The following ABCB4 variants were observed in gnomAD, a reference collection of about 807,000 sequenced individuals.
ABCB4 encodes the protein ATP binding cassette subfamily B member 4.
Under a neutral mutation model 145.7 loss-of-function variants are expected in ABCB4, and 76 were observed. The observed-to-expected ratio is 0.52, with a 90% CI of 0.43 to 0.63. The LOEUF (loss-of-function observed/expected upper bound fraction) is 0.63. Ranked by LOEUF, ABCB4 falls within the 30% of genes least tolerant of loss-of-function variation. ABCB4 has a pLI of 0.00. For missense variants in ABCB4, 1,234 were observed against 1,553.1 expected (o/e 0.79, Z 3.45); for synonymous variants, 517 against 566.8 (o/e 0.91, Z 1.25).
Position 87,418,623 on chromosome 7 carries a change from A to T in ABCB4, c.2395-3T>A. 6.2e-7 allele frequency: 1 copy of T among 1,613,628 alleles called. No homozygotes were observed. The highest frequency in any genetic ancestry group is 8.5e-7 in the Non-Finnish European group (1 of 1,179,568). ...TGGTCATCAAACCAGCTCATGTCCT[A>T]TGGCATAAAATACACGTTTATGTTA... On this transcript the variant is annotated splice_region_variant and splice_polypyrimidine_tract_variant and intron_variant, in intron 19 of 27. Coordinates refer to ENST00000649586, the MANE Select transcript of ABCB4 (RefSeq NM_000443.4).
chr7:87,452,377 CCTT>C (rs1811796472), intron 6 of ABCB4: 1 of 148,010 alleles, frequency 6.8e-6, no homozygotes, highest in Non-Finnish European at 1.4e-5. Flanking sequence ...CTTGCTTTTC[CCTT>C]TTTTTTTTTT....
chr7:87,448,864 G>T (rs899144545), intron 8 of ABCB4, among the ~76,000 whole-genome samples: 1 of 152,158 alleles, frequency 6.6e-6, no homozygotes, highest in African/African-American at 2.4e-5. Flanking sequence ...AATTTCCAGA[G>T]AATTTTTATA....
At chr7:87,384,549 T>C in the ABCB4 span, among the ~76,000 whole-genome samples, 1,899 of 152,252 alleles carry the variant, frequency 0.012, 38 homozygotes, top group African/African-American at 0.042. Context: ...CAAAAAAGAT[T>C]ATTTGTCCAT....
At chr7:87,387,676 G>A in the ABCB4 span, among the ~76,000 whole-genome samples, 1 of 152,308 alleles carries the variant, frequency 6.6e-6, no homozygotes, top group South Asian at 2.1e-4. Flanking sequence ...AGGAGGCTGG[G>A]CATGGTGGCT....
intron 5 of ABCB4, 105 bp from the exon 6 acceptor site, chr7:87,453,240 G>A: frequency 8.9e-7 from 1 of 1,119,832 alleles, no homozygotes; most frequent in Non-Finnish European, 1.3e-6. Context: ...CTGGAGTGCA[G>A]TGGCACCATC....
intron 14 of ABCB4, among the ~76,000 whole-genome samples, chr7:87,433,656 G>C (rs926174534): frequency 3.5e-5 from 5 of 141,478 alleles, no homozygotes; most frequent in Non-Finnish European, 6.1e-5. Context: ...GTAGAGCTTT[G>C]ACACAAAAAA....
the ABCB4 span, among the ~76,000 whole-genome samples, chr7:87,395,827 CG>C: frequency 6.6e-6 from 1 of 151,952 alleles, no homozygotes; most frequent in Non-Finnish European, 1.5e-5. Flanking sequence ...GGCTCTAGAT[CG>C]GGGGTTATAA....
At chr7:87,468,400 C>G (rs1179281349) in intron 3 of ABCB4, among the ~76,000 whole-genome samples, 1 of 149,468 alleles carries the variant, frequency 6.7e-6, no homozygotes, top group Non-Finnish European at 1.5e-5. Flanking sequence ...TAATAGCTTA[C>G]CAACCAAAAA....
intron 14 of ABCB4, among the ~76,000 whole-genome samples, chr7:87,438,022 A>C (rs757178151): frequency 6.6e-5 from 10 of 152,236 alleles, no homozygotes; most frequent in Non-Finnish European, 1.3e-4. Flanking sequence ...TCATATTATG[A>C]AAAACAATAC....
chr7:87,431,585 G>C lies in ABCB4; in HGVS notation c.1732-20C>G, dbSNP rs1810234712. Reference sequence around the variant, plus strand: ...TCTGGCCTAAAAGAACAAAAATGTGGTGCATCAGGGTTACAGTATTGGCAC... The same window carrying C: ...TCTGGCCTAAAAGAACAAAAATGTGCTGCATCAGGGTTACAGTATTGGCAC... On this transcript the variant is annotated intron_variant, in intron 14 of 27. Coordinates refer to ENST00000649586, the MANE Select transcript of ABCB4 (RefSeq NM_000443.4). 1 of 1,613,926 alleles carries C rather than the reference G, an allele frequency of 6.2e-7. No homozygotes were observed. The highest frequency in any genetic ancestry group is 8.5e-7 in the Non-Finnish European group (1 of 1,179,878).
rs183272081 is a variant in ABCB4, at chr7:87,472,153, A to G, written c.135+468T>C. On this transcript the variant is annotated intron_variant, in intron 3 of 27. Transcript: ENST00000649586. ...ATCTTAAGAATGTGGGTCATTGACTATAATAAGCCAAACTTATACAGCACA... is the reference window on the plus strand; with the variant it reads ...ATCTTAAGAATGTGGGTCATTGACTGTAATAAGCCAAACTTATACAGCACA... Among the ~76,000 whole-genome samples, 100 of 152,314 alleles carry G rather than the reference A, an allele frequency of 6.6e-4. 3 individuals carry two copies. In the South Asian group the frequency reaches 0.013, roughly 20 times the overall value.
chr7:87,399,703 T>A (rs1005471306), downstream of ABCB4: 3 of 152,232 alleles, frequency 2.0e-5, no homozygotes. Context: ...TCCTCCTCGC[T>A]GTTCAATTTT....
At chr7:87,412,999 C>T (rs1265921633) in intron 22 of ABCB4, among the ~76,000 whole-genome samples, 1 of 152,194 alleles carries the variant, frequency 6.6e-6, no homozygotes, top group Non-Finnish European at 1.5e-5. Context: ...TGCAAGTGTT[C>T]AAAACTACTG....
chr7:87,391,755 T>C, the ABCB4 span: 1 of 1,583,898 alleles, frequency 6.3e-7, no homozygotes, highest in Non-Finnish European at 8.5e-7. Context: ...TTTGTTTAAT[T>C]GTTCTAAAGG....
At chr7:87,461,489 T>C (rs976374285) in intron 4 of ABCB4, among the ~76,000 whole-genome samples, 2 of 152,212 alleles carry the variant, frequency 1.3e-5, no homozygotes, top group Non-Finnish European at 2.9e-5. Context: ...TTTTGCCATC[T>C]ATCACAGAAG....
the ABCB4 span, chr7:87,392,929 C>A: frequency 6.2e-7 from 1 of 1,612,830 alleles, no homozygotes; most frequent in Non-Finnish European, 8.5e-7. Context: ...GTAAAATGTT[C>A]TTTTATTGTG....
intron 3 of ABCB4, among the ~76,000 whole-genome samples, chr7:87,463,395 G>A (rs2116903593): frequency 6.6e-6 from 1 of 152,258 alleles, no homozygotes; most frequent in South Asian, 2.1e-4. Flanking sequence ...CTTTAAAAAG[G>A]CAACTCAGTA....
chr7:87,391,191 A>G, the ABCB4 span, among the ~76,000 whole-genome samples: 1 of 152,226 alleles, frequency 6.6e-6, no homozygotes, highest in Non-Finnish European at 1.5e-5. Flanking sequence ...AAATAAGAGA[A>G]CAAGAGAGAG....
At chr7:87,461,227 G>C (rs543367016) in intron 4 of ABCB4, among the ~76,000 whole-genome samples, 107 of 152,264 alleles carry the variant, frequency 7.0e-4, no homozygotes, top group Non-Finnish European at 9.0e-4. Context: ...GGGATTACAG[G>C]TGTGAACCAC....
Sources: gnomAD v4.1 joint callset for allele counts (sites outside exome capture counted in the v4.1 genomes callset) on GRCh38, gnomAD v4.1.1 for gene constraint, MANE v1.5 for transcripts, NCBI Gene and HGNC (gene_info 2026-07-23, HGNC 2026-07-21) for gene names.